SNX29: variants seen among roughly 807,000 people sequenced by gnomAD.
SNX29 encodes the protein sorting nexin-29.
In SNX29, 78 loss-of-function variants were observed where a neutral mutation model predicts 102.1. The ratio of observed to expected loss-of-function variants is 0.76; its 90% CI spans 0.64 to 0.92. The LOEUF is 0.92. Ranked by LOEUF, SNX29 falls within the 40% of genes least tolerant of loss-of-function variation. The pLI is 0.00. For synonymous variants in SNX29, 580 were observed against 414.5 expected, an observed-to-expected ratio of 1.40 and a Z score of -4.85; for missense variants, 1,280 against 1,061.7, an observed-to-expected ratio of 1.21 and a Z score of -2.86.
intron 1 of SNX29, among the ~76,000 whole-genome samples, chr16:11,994,693 C>T (rs1195676787): frequency 6.6e-6 from 1 of 152,172 alleles, no homozygotes; most frequent in Non-Finnish European, 1.5e-5. Flanking sequence ...TAGGTGGGCA[C>T]ATTGTTCCTA....
rs905949 is a variant in SNX29, at chr16:12,336,434, C to T, written c.1783-19729C>T. 6.2e-4 allele frequency among the ~76,000 whole-genome samples: 95 copies of T among 152,342 alleles called. 1 individual carries two copies. In the East Asian group the frequency reaches 0.014, roughly 23 times the overall value. On this transcript the variant is annotated intron_variant, in intron 15 of 20. Coordinates refer to ENST00000566228, the MANE Select transcript of SNX29 (RefSeq NM_032167.5). ...ACCGTGTTGTTGAGATTGGCCTGGA[C>T]GTGTTGGCACGTTTCACTGGATGGT...
chr16:12,189,339 C>G (rs900798605), intron 13 of SNX29, among the ~76,000 whole-genome samples: 2 of 152,222 alleles, frequency 1.3e-5, no homozygotes, highest in African/African-American at 4.8e-5. Context: ...ATTTTCATGT[C>G]TGTTCGGGCT....
chr16:12,082,296 C>T (rs921858827), intron 11 of SNX29, among the ~76,000 whole-genome samples: 1 of 152,108 alleles, frequency 6.6e-6, no homozygotes, highest in Non-Finnish European at 1.5e-5. Flanking sequence ...CCTGTGTGCC[C>T]TGGCAGGTGT....
chr16:11,978,978 A>T (rs2055360159), intron 1 of SNX29, among the ~76,000 whole-genome samples: 1 of 151,884 alleles, frequency 6.6e-6, no homozygotes, highest in Non-Finnish European at 1.5e-5. Flanking sequence ...AAATTTAATT[A>T]AAAAATCATT....
At chr16:12,541,100 T>A (rs1018257502) in intron 20 of SNX29, among the ~76,000 whole-genome samples, 4 of 152,116 alleles carry the variant, frequency 2.6e-5, no homozygotes, top group African/African-American at 7.2e-5. Flanking sequence ...CCACTCCAGG[T>A]TTGAAAGCTG....
rs117636664 is a variant in SNX29, at chr16:12,105,680, C to G, written c.1403-20953C>G. Among the ~76,000 whole-genome samples the G allele has an allele frequency of 7.5e-4, 114 of 152,274 alleles. 3 individuals carry two copies. The highest frequency in any genetic ancestry group is 1.0e-3 in the Non-Finnish European group (69 of 68,034). ...TTTAGTGATGGAAAAACTCAAAACA[C>G]AGAGACAATGCTGTGTTTCCAGGGT... is the stretch of plus-strand genomic sequence containing the variant. On this transcript the variant is annotated intron_variant, in intron 11 of 20. Transcript: ENST00000566228.
At chr16:12,468,992 T>G (rs1388509270) in intron 18 of SNX29, among the ~76,000 whole-genome samples, 1 of 152,192 alleles carries the variant, frequency 6.6e-6, no homozygotes, top group African/African-American at 2.4e-5. Flanking sequence ...GTGAACGTAA[T>G]CTGTGCACCT....
chr16:12,557,022 CCCCG>C (rs199920150), intron 20 of SNX29, among the ~76,000 whole-genome samples: 609 of 48,546 alleles, frequency 0.013, 37 homozygotes, highest in Middle Eastern at 0.022. Context: ...TTTACCCCCC[CCCCG>C]CCCCAAGATG....
At position 12,032,163 on chromosome 16, in the gene SNX29, G is replaced by A. The variant is rs555503848; in HGVS notation, c.247+4719G>A. Among the ~76,000 whole-genome samples the A allele has an allele frequency of 1.1e-4, 16 of 149,612 alleles. No homozygotes were observed. In the South Asian group the frequency reaches 2.7e-3, roughly 26 times the overall value. On this transcript the variant is annotated intron_variant, in intron 4 of 20. Transcript: ENST00000566228. ...AGCATAACATCTTCAAGGATCGTCC[G>A]TGTTGTAGTATGTGTCAGAATTTCC...
chr16:12,217,280 A>G (rs2077349246), intron 14 of SNX29, among the ~76,000 whole-genome samples: 1 of 152,174 alleles, frequency 6.6e-6, no homozygotes, highest in African/African-American at 2.4e-5. Flanking sequence ...TTGGCCTCCC[A>G]AAGTTCTGGG....
Position 12,003,108 on chromosome 16 carries a change from T to G in SNX29, c.122+65T>G, listed in dbSNP as rs1013680549. On this transcript the variant is annotated intron_variant, in intron 3 of 20. Coordinates refer to ENST00000566228, the MANE Select transcript of SNX29 (RefSeq NM_032167.5). ...GGAAAGGCGGCAGAAGGTGGCCGGC[T>G]TCTAAAACCGTTGACCATCGAGGTT... The G allele has an allele frequency of 3.1e-6, 5 of 1,598,316 alleles. No homozygotes were observed. The African/African-American group carries it at 5.4e-5, about 17-fold the overall frequency.
intron 20 of SNX29, among the ~76,000 whole-genome samples, chr16:12,555,853 T>A (rs1049574771): frequency 5.3e-5 from 8 of 152,102 alleles, no homozygotes; most frequent in Non-Finnish European, 1.2e-4. Flanking sequence ...CCTCACCACC[T>A]CCATCATTTT....
At chr16:12,270,291 G>C (rs754487385) in intron 14 of SNX29, among the ~76,000 whole-genome samples, 3 of 152,192 alleles carry the variant, frequency 2.0e-5, no homozygotes, top group African/African-American at 4.8e-5. Context: ...AGTCACAATT[G>C]ATTCTTTACG....
intron 15 of SNX29, among the ~76,000 whole-genome samples, chr16:12,318,839 G>A (rs116015594): frequency 0.011 from 1,627 of 152,208 alleles, 22 homozygotes; most frequent in African/African-American, 0.037. Context: ...TTCCTCTAGA[G>A]ACCTAAGTGA....
At chr16:12,420,475 T>A (rs968066740) in intron 18 of SNX29, among the ~76,000 whole-genome samples, 10 of 152,134 alleles carry the variant, frequency 6.6e-5, no homozygotes, top group African/African-American at 2.4e-4. Flanking sequence ...GCTGGAGGAA[T>A]CAAACCTCTG....
intron 15 of SNX29, among the ~76,000 whole-genome samples, chr16:12,309,937 T>G (rs1170280428): frequency 1.3e-5 from 2 of 152,212 alleles, no homozygotes; most frequent in Admixed American, 1.3e-4. Flanking sequence ...GTATTTTGTC[T>G]TGATACTTCT....
At chr16:12,554,818 C>T (rs548677365) in intron 20 of SNX29, among the ~76,000 whole-genome samples, 1 of 152,156 alleles carries the variant, frequency 6.6e-6, no homozygotes, top group Admixed American at 6.5e-5. Context: ...TATTGAGCAC[C>T]TGCTCTGTGC....
intron 15 of SNX29, among the ~76,000 whole-genome samples, chr16:12,301,201 T>C (rs1264494774): frequency 2.0e-5 from 3 of 152,250 alleles, no homozygotes; most frequent in African/African-American, 4.8e-5. Context: ...TTTCTATCTG[T>C]GTTGCTACCA....
At chr16:12,312,902 A>G (rs1391689301) in intron 15 of SNX29, among the ~76,000 whole-genome samples, 1 of 151,946 alleles carries the variant, frequency 6.6e-6, no homozygotes, top group East Asian at 1.9e-4. Flanking sequence ...AAGCCCTTTC[A>G]CAGAAGGCTG....
Sources: gnomAD v4.1 joint callset for allele counts (sites outside exome capture counted in the v4.1 genomes callset) on GRCh38, gnomAD v4.1.1 for gene constraint, MANE v1.5 for transcripts, NCBI Gene and HGNC (gene_info 2026-07-23, HGNC 2026-07-21) for gene names.